ASIC2: variants seen among roughly 807,000 people sequenced by gnomAD.
The protein encoded by ASIC2 is acid-sensing ion channel 2.
ASIC2 carries 25 observed loss-of-function variants against 57.3 expected under a neutral mutation model. The ratio of observed to expected loss-of-function variants is 0.44; its 90% CI spans 0.32 to 0.61. The LOEUF is 0.61. Among genes scored for constraint, ASIC2 ranks in the 20% least tolerant of loss-of-function variants. ASIC2 has a pLI of 0.06. For synonymous variants in ASIC2, 319 were observed against 307.5 expected (o/e 1.04, Z -0.39); for missense variants, 641 against 738.1 (o/e 0.87, Z 1.52).
intron 1 of ASIC2, among the ~76,000 whole-genome samples, chr17:33,765,251 G>A (rs935933492): frequency 8.7e-5 from 12 of 138,634 alleles, no homozygotes; most frequent in African/African-American, 3.4e-4. Context: ...GACTACAGGC[G>A]CCCGCTACCA....
At chr17:34,020,609 G>T (rs1020222051) in intron 1 of ASIC2, among the ~76,000 whole-genome samples, 1 of 152,188 alleles carries the variant, frequency 6.6e-6, no homozygotes, top group African/African-American at 2.4e-5. Flanking sequence ...GAGTAATATA[G>T]AAAGCATGAG....
At chr17:33,545,148 T>C (rs1383138825) in intron 1 of ASIC2, among the ~76,000 whole-genome samples, 3 of 152,208 alleles carry the variant, frequency 2.0e-5, no homozygotes, top group Non-Finnish European at 4.4e-5. Flanking sequence ...ACTCCATAGA[T>C]AAATCAGTCC....
chr17:34,033,982 A>C (rs935899155), intron 1 of ASIC2, among the ~76,000 whole-genome samples: 3 of 152,244 alleles, frequency 2.0e-5, no homozygotes, highest in African/African-American at 7.2e-5. Flanking sequence ...ATCAATAGTA[A>C]AAGAGGGAAT....
At position 33,028,231 on chromosome 17, in the gene ASIC2, C is replaced by T; in HGVS notation, c.1138+11G>A. The T allele has an allele frequency of 6.2e-7, 1 of 1,613,530 alleles. No homozygotes were observed. The highest frequency in any genetic ancestry group is 8.5e-7 in the Non-Finnish European group (1 of 1,179,888). On this transcript the variant is annotated intron_variant, in intron 4 of 9. Transcript: ENST00000225823. ...CCCAGGGCCCTGTGGCCACCCTGCC[C>T]TGGCACTGACCTGGCATGTGAACCA...
At chr17:33,336,272 G>A (rs1239673521) in intron 1 of ASIC2, among the ~76,000 whole-genome samples, 12 of 152,106 alleles carry the variant, frequency 7.9e-5, no homozygotes, top group Non-Finnish European at 1.8e-4. Context: ...AGAGGAAGGG[G>A]CAGTGTCAAG....
In ASIC2 at chr17:33,144,411, A is replaced by G. The variant is rs368284086; in HGVS notation, c.709-32344T>C. Among the ~76,000 whole-genome samples the G allele has an allele frequency of 2.5e-4, 38 of 152,170 alleles. 1 individual carries two copies. The East Asian group carries it at 2.5e-3, about 10-fold the overall frequency. ...GAGTTGGGTGCTTGTGAGCAGTAAA[A>G]GCAAAAGTGGAGTCCCTACAGCACT... On this transcript the variant is annotated intron_variant, in intron 1 of 9. Transcript: ENST00000225823.
At chr17:33,505,555 C>T (rs995789869) in intron 1 of ASIC2, among the ~76,000 whole-genome samples, 3 of 152,194 alleles carry the variant, frequency 2.0e-5, no homozygotes, top group Non-Finnish European at 4.4e-5. Flanking sequence ...TGACCTAAAC[C>T]TTTTTATGGT....
intron 1 of ASIC2, among the ~76,000 whole-genome samples, chr17:33,428,704 C>T (rs930785074): frequency 6.6e-6 from 1 of 152,192 alleles, no homozygotes; most frequent in Non-Finnish European, 1.5e-5. Context: ...TGCAGTCCTC[C>T]ACCTTTGGAA....
intron 1 of ASIC2, among the ~76,000 whole-genome samples, chr17:33,277,843 ATTCCGGAGGTCAATAT>A: frequency 6.6e-6 from 1 of 152,202 alleles, no homozygotes; most frequent in East Asian, 1.9e-4. Context: ...TTACATTAGC[ATTCCGGAGGTCAATAT>A]TTCCAGAGCT....
rs569808337 is a variant in ASIC2 at position 33,573,026 on chromosome 17, T to C, written c.556-460959A>G. ...CTGAATCTTAGTTCTTCCAGAAAGA[T>C]AGATTTCCTCTTATGGTGTGAAACT... is the stretch of plus-strand genomic sequence containing the variant. On this transcript the variant is annotated intron_variant, in intron 1 of 9. Coordinates refer to the ASIC2 transcript ENST00000359872. 4.6e-5 allele frequency among the ~76,000 whole-genome samples: 7 copies of C among 152,328 alleles called. No individual in the cohort carries two copies. The South Asian group carries it at 6.2e-4, about 14-fold the overall frequency.
At chr17:34,126,700 G>A (rs2142123754) in intron 1 of ASIC2, among the ~76,000 whole-genome samples, 1 of 152,300 alleles carries the variant, frequency 6.6e-6, no homozygotes, top group Middle Eastern at 3.4e-3. Flanking sequence ...GAACGAAGAG[G>A]CAAGGCAGGC....
At position 33,268,341 on chromosome 17, in the gene ASIC2, TCATCCATCCATCCATC is replaced by T. The variant is rs35123270; in HGVS notation, c.708+23051_708+23066del. Among the ~76,000 whole-genome samples, 480 of 147,934 alleles carry T rather than the reference TCATCCATCCATCCATC, an allele frequency of 3.2e-3. 1 individual carries two copies. Among genetic ancestry groups the T allele is most frequent in the Middle Eastern group, 0.014 (4 of 290 alleles). ...CACCCATCATCCATCCATCTTTCCA[TCATCCATCCATCCATC>T]CATCCATCCATCCATCCATCCATCC... On this transcript the variant is annotated intron_variant, in intron 1 of 9. Coordinates refer to ENST00000225823, the MANE Select transcript of ASIC2 (RefSeq NM_183377.2).
rs188507417 is a variant in ASIC2, at chr17:33,386,341, T to C, written c.556-274274A>G. Among the ~76,000 whole-genome samples the C allele has an allele frequency of 1.6e-3, 247 of 152,274 alleles. 1 individual carries two copies. The highest frequency in any genetic ancestry group is 5.8e-3 in the African/African-American group (242 of 41,542). On this transcript the variant is annotated intron_variant, in intron 1 of 9. Coordinates refer to the ASIC2 transcript ENST00000359872. ...CTACTTCATCTATCTAAAGCTGGAT[T>C]TCTCACTTTCCCCTATATTCCACCT...
intron 1 of ASIC2, among the ~76,000 whole-genome samples, chr17:34,102,292 T>TG (rs1251982967): frequency 6.6e-6 from 1 of 151,842 alleles, no homozygotes; most frequent in Non-Finnish European, 1.5e-5. Context: ...ATCGCCCCAC[T>TG]GCACTCCAGC....
At chr17:33,988,516 C>T (rs1905902277) in intron 1 of ASIC2, among the ~76,000 whole-genome samples, 1 of 152,212 alleles carries the variant, frequency 6.6e-6, no homozygotes. Flanking sequence ...CATTAAACCT[C>T]TTTCTTTTGT....
intron 1 of ASIC2, among the ~76,000 whole-genome samples, chr17:33,470,247 C>G (rs188536816): frequency 6.6e-6 from 1 of 152,284 alleles, no homozygotes; most frequent in Admixed American, 6.5e-5. Context: ...GGACAAGTCT[C>G]TAAACTAATG....
intron 1 of ASIC2, among the ~76,000 whole-genome samples, chr17:34,140,642 G>A (rs1045649017): frequency 3.9e-5 from 6 of 152,260 alleles, no homozygotes; most frequent in Admixed American, 6.5e-5. Flanking sequence ...AGCACACAAA[G>A]TCAGCTGGAA....
intron 1 of ASIC2, among the ~76,000 whole-genome samples, chr17:33,950,425 CAA>C (rs750757204): frequency 6.5e-4 from 99 of 152,122 alleles, no homozygotes; most frequent in Non-Finnish European, 1.2e-3. Flanking sequence ...AATATCGAGA[CAA>C]AGTCTATTCT....
chr17:33,883,810 C>G (rs751992622), intron 1 of ASIC2, among the ~76,000 whole-genome samples: 2 of 152,172 alleles, frequency 1.3e-5, no homozygotes, highest in Non-Finnish European at 2.9e-5. Flanking sequence ...ACAATAACAA[C>G]AACAAAAACC....
Sources: gnomAD v4.1 joint callset for allele counts (sites outside exome capture counted in the v4.1 genomes callset) on GRCh38, gnomAD v4.1.1 for gene constraint, MANE v1.5 for transcripts, NCBI Gene and HGNC (gene_info 2026-07-23, HGNC 2026-07-21) for gene names.